Variants in FOXN3 observed in about 807,000 individuals in gnomAD.
The protein encoded by FOXN3 is forkhead box protein N3.
In FOXN3, 7 loss-of-function variants were observed where a neutral mutation model predicts 38.4. The ratio of observed to expected loss-of-function variants is 0.18; its 90% CI spans 0.10 to 0.34. FOXN3 has a LOEUF of 0.34. Ranked by LOEUF, FOXN3 falls within the 10% of genes least tolerant of loss-of-function variation. The pLI, the probability that FOXN3 is intolerant of heterozygous loss-of-function variation, is 1.00. For synonymous variants in FOXN3, 230 were observed against 242.2 expected (o/e 0.95, Z 0.47); for missense variants, 456 against 613.4 (o/e 0.74, Z 2.71).
chr14:89,514,125 G>C (rs571571511), intron 1 of FOXN3, among the ~76,000 whole-genome samples: 1 of 152,310 alleles, frequency 6.6e-6, no homozygotes, highest in African/African-American at 2.4e-5. Context: ...GGACAAGCCA[G>C]AGCAAAGGAG....
chr14:89,593,511 T>C (rs185527444), intron 1 of FOXN3, among the ~76,000 whole-genome samples: 399 of 152,210 alleles, frequency 2.6e-3, no homozygotes, highest in Admixed American at 4.4e-3. Context: ...CACTGATGAA[T>C]AGTGTTCACA....
At chr14:89,528,376 CTTTTTTTTTTTTTTTTTTTTT>C (rs55935162) in intron 1 of FOXN3, among the ~76,000 whole-genome samples, 2 of 53,550 alleles carry the variant, frequency 3.7e-5, no homozygotes, top group East Asian at 7.8e-4. Flanking sequence ...ATGGATGAAT[CTTTTTTTTTTTTTTTTTTTTT>C]TTTTTTTTTT....
intron 1 of FOXN3, among the ~76,000 whole-genome samples, chr14:89,467,760 AAGCTCCC>A (rs1246037304): frequency 2.0e-5 from 3 of 149,586 alleles, no homozygotes; most frequent in Non-Finnish European, 4.4e-5. Context: ...CAAGCCCACC[AAGCTCCC>A]AGCTAATTCT....
chr14:89,389,243 T>C (rs1374652620), intron 2 of FOXN3, among the ~76,000 whole-genome samples: 2 of 152,146 alleles, frequency 1.3e-5, no homozygotes, highest in African/African-American at 2.4e-5. Flanking sequence ...GAAAAAAACT[T>C]ACATGTTACA....
chr14:89,205,400 A>G (rs1888354777), intron 4 of FOXN3, among the ~76,000 whole-genome samples: 1 of 152,162 alleles, frequency 6.6e-6, no homozygotes, highest in Non-Finnish European at 1.5e-5. Flanking sequence ...GTGCCCAAGG[A>G]CCTAAATGAG....
At chr14:89,212,220 A>G (rs1884116562) in intron 4 of FOXN3, among the ~76,000 whole-genome samples, 1 of 152,158 alleles carries the variant, frequency 6.6e-6, no homozygotes, top group Non-Finnish European at 1.5e-5. Flanking sequence ...ATAGAATAAG[A>G]CATGTTCTTT....
At chr14:89,403,304 C>T (rs1468010641) in intron 2 of FOXN3, among the ~76,000 whole-genome samples, 9 of 152,098 alleles carry the variant, frequency 5.9e-5, no homozygotes, top group Admixed American at 2.0e-4. Context: ...CGGGTTCAAG[C>T]GATTCTCCAG....
At chr14:89,317,052 T>C (rs1028138213) in intron 3 of FOXN3, among the ~76,000 whole-genome samples, 4 of 152,212 alleles carry the variant, frequency 2.6e-5, no homozygotes, top group Non-Finnish European at 5.9e-5. Flanking sequence ...CAGTAGAACC[T>C]GCACCACAAA....
rs1237724382 is a variant in FOXN3 at position 89,298,418 on chromosome 14, C to T, written c.681-17404G>A. ...ACTGAACTGTAAACTTTAAAAATGC[C>T]TGGATGGCGCCACTGCACTCCAGCC... is the stretch of plus-strand genomic sequence containing the variant. On this transcript the variant is annotated intron_variant, in intron 3 of 5. Coordinates refer to ENST00000557258, the MANE Select transcript of FOXN3 (RefSeq NM_005197.4). Among the ~76,000 whole-genome samples the T allele has an allele frequency of 2.7e-5, 4 of 147,298 alleles. No homozygotes were observed. In the East Asian group the frequency reaches 8.1e-4, roughly 30 times the overall value.
At chr14:89,259,087 G>A (rs565068056) in intron 4 of FOXN3, among the ~76,000 whole-genome samples, 10 of 152,280 alleles carry the variant, frequency 6.6e-5, no homozygotes, top group East Asian at 5.8e-4. Context: ...ATTCTGGGCC[G>A]GACCTCAGAC....
At chr14:89,369,465 T>C (rs1461135098) in intron 2 of FOXN3, among the ~76,000 whole-genome samples, 3 of 152,194 alleles carry the variant, frequency 2.0e-5, no homozygotes, top group East Asian at 3.8e-4. Flanking sequence ...AGAGAGATAG[T>C]ATATGTTATG....
intron 2 of FOXN3, among the ~76,000 whole-genome samples, chr14:89,362,926 A>G (rs1383605893): frequency 1.3e-5 from 2 of 152,092 alleles, no homozygotes; most frequent in African/African-American, 2.4e-5. Flanking sequence ...GTCCCTGAAC[A>G]CCGCTTGTAA....
At chr14:89,615,869 A>T (rs1896484675) in intron 1 of FOXN3, among the ~76,000 whole-genome samples, 1 of 151,848 alleles carries the variant, frequency 6.6e-6, no homozygotes, top group African/African-American at 2.4e-5. Flanking sequence ...TAGAGTTAGG[A>T]CTCTCCTCCT....
intron 1 of FOXN3, among the ~76,000 whole-genome samples, chr14:89,538,066 A>G (rs1596311073): frequency 1.3e-5 from 2 of 152,244 alleles, no homozygotes; most frequent in South Asian, 2.1e-4. Flanking sequence ...TCATTTTCCA[A>G]ATGGAACCCT....
At chr14:89,173,390 A>C (rs1349584441) in intron 5 of FOXN3, among the ~76,000 whole-genome samples, 1 of 152,242 alleles carries the variant, frequency 6.6e-6, no homozygotes, top group Non-Finnish European at 1.5e-5. Flanking sequence ...CACTTTACAA[A>C]ACAATGTGGC....
intron 1 of FOXN3, among the ~76,000 whole-genome samples, chr14:89,536,704 G>A (rs938820906): frequency 2.0e-5 from 3 of 152,048 alleles, no homozygotes; most frequent in African/African-American, 4.8e-5. Context: ...CTTGAACCTG[G>A]GAGACGGAGG....
Position 89,293,475 on chromosome 14 carries a change from G to C in FOXN3, c.681-12461C>G, listed in dbSNP as rs138996586. Among the ~76,000 whole-genome samples the C allele has an allele frequency of 2.9e-3, 447 of 152,252 alleles. 5 individuals carry two copies. Among genetic ancestry groups the C allele is most frequent in the African/African-American group, 9.8e-3 (409 of 41,530 alleles). On this transcript the variant is annotated intron_variant, in intron 3 of 5. Coordinates refer to ENST00000557258, the MANE Select transcript of FOXN3 (RefSeq NM_005197.4). ...GGAGAATCTGTTCCTGGCCTCCCTC[G>C]CAGCTGCTGGTGTTTGCTGGTGTTC...
chr14:89,453,392 T>C (rs958857855), intron 1 of FOXN3, among the ~76,000 whole-genome samples: 1 of 150,050 alleles, frequency 6.7e-6, no homozygotes, highest in East Asian at 2.0e-4. Context: ...CTGTCTCTAC[T>C]AAAAATACAA....
chr14:89,550,878 G>A (rs951073219), intron 1 of FOXN3, among the ~76,000 whole-genome samples: 30 of 152,212 alleles, frequency 2.0e-4, no homozygotes, highest in African/African-American at 7.2e-4. Flanking sequence ...AAGACGGAGA[G>A]AGCGAGAGAC....
Sources: allele counts gnomAD v4.1 joint callset (sites outside exome capture counted in the v4.1 genomes callset), GRCh38; gene constraint gnomAD v4.1.1; transcripts MANE v1.5; gene names NCBI Gene and HGNC (gene_info 2026-07-23, HGNC 2026-07-21).